The following RBFOX1 variants were observed in gnomAD, a reference collection of about 807,000 sequenced individuals.
The protein encoded by RBFOX1 is RNA binding fox-1 homolog 1, also known as RNA binding protein fox-1 homolog 1.
In RBFOX1, 8 loss-of-function variants were observed where a neutral mutation model predicts 57.7. That is an observed-to-expected ratio of 0.14 (90% CI 0.08 to 0.25). RBFOX1 has a LOEUF of 0.25. Among genes scored for constraint, RBFOX1 ranks in the 10% least tolerant of loss-of-function variants. RBFOX1 has a pLI of 1.00. For missense variants in RBFOX1, 611 were observed against 548.5 expected, an observed-to-expected ratio of 1.11 and a Z score of -1.14; for synonymous variants, 326 against 222.4, an observed-to-expected ratio of 1.47 and a Z score of -4.15.
At chr16:7,230,275 A>G (rs17670677) in intron 4 of RBFOX1, among the ~76,000 whole-genome samples, 58,166 of 151,912 alleles carry the variant, frequency 0.38, 11,710 homozygotes, top group East Asian at 0.68. Flanking sequence ...ACAAACAGAA[A>G]GTACCTGCCG....
chr16:5,550,088 G>C (rs1247503954), intron 2 of RBFOX1, among the ~76,000 whole-genome samples: 1 of 152,194 alleles, frequency 6.6e-6, no homozygotes, highest in African/African-American at 2.4e-5. Context: ...GTTATGCTCA[G>C]ATTGTTCCCT....
At chr16:6,242,598 C>T (rs78579700) in intron 1 of RBFOX1, among the ~76,000 whole-genome samples, 18,329 of 146,896 alleles carry the variant, frequency 0.12, 1,219 homozygotes, top group Middle Eastern at 0.26. Flanking sequence ...TAGGCATTTA[C>T]GTTCAGTTTG....
intron 3 of RBFOX1, among the ~76,000 whole-genome samples, chr16:5,703,982 C>A (rs28608682): frequency 0.058 from 8,900 of 152,192 alleles, 838 homozygotes; most frequent in African/African-American, 0.2. Context: ...CCCCTCAAAT[C>A]GTTACATGGT....
intron 2 of RBFOX1, among the ~76,000 whole-genome samples, chr16:6,458,227 GT>G (rs1371195694): frequency 6.6e-6 from 1 of 152,150 alleles, no homozygotes; most frequent in African/African-American, 2.4e-5. Flanking sequence ...GCAGCATGAA[GT>G]TTTTTACCTT....
At chr16:5,350,538 G>C (rs2065239721) in intron 1 of RBFOX1, among the ~76,000 whole-genome samples, 1 of 152,060 alleles carries the variant, frequency 6.6e-6, no homozygotes, top group Admixed American at 6.6e-5. Flanking sequence ...TCTGCAATTG[G>C]CTCCCACTTC....
intron 1 of RBFOX1, among the ~76,000 whole-genome samples, chr16:5,256,737 C>G (rs999841446): frequency 6.6e-6 from 1 of 151,970 alleles, no homozygotes; most frequent in Non-Finnish European, 1.5e-5. Flanking sequence ...GAGTTCGATA[C>G]CAGCCTGGCC....
At chr16:6,269,843 G>A (rs1224606956) in intron 1 of RBFOX1, among the ~76,000 whole-genome samples, 2 of 152,090 alleles carry the variant, frequency 1.3e-5, no homozygotes, top group African/African-American at 2.4e-5. Context: ...CTTCTCTGGT[G>A]TTTTCAAAAT....
In RBFOX1 at chr16:7,364,973, A is replaced by T. The variant is rs141757157; in HGVS notation, c.28-153174A>T. The stretch of plus-strand genomic sequence containing the variant: ...CTGTTGATACATTCTTGAGACCTAC[A>T]ATGATCAGATGATTCTTTTGGGGAA... On this transcript the variant is annotated intron_variant, in intron 4 of 15. Transcript: ENST00000550418. Among the ~76,000 whole-genome samples, 891 of 152,292 alleles carry T rather than the reference A, an allele frequency of 5.9e-3. 10 individuals are homozygous for T. The highest frequency in any genetic ancestry group is 0.02 in the African/African-American group (827 of 41,560).
intron 3 of RBFOX1, among the ~76,000 whole-genome samples, chr16:5,726,433 G>A (rs1437524530): frequency 6.6e-6 from 1 of 152,032 alleles, no homozygotes; most frequent in African/African-American, 2.4e-5. Context: ...CCCCTCCATT[G>A]CCAAGGTCGC....
chr16:7,376,097 G>C (rs571075567), intron 4 of RBFOX1, among the ~76,000 whole-genome samples: 15 of 152,096 alleles, frequency 9.9e-5, no homozygotes, highest in Non-Finnish European at 1.6e-4. Flanking sequence ...ACATTTCTAA[G>C]GCACTTTTCT....
intron 1 of RBFOX1, among the ~76,000 whole-genome samples, chr16:5,292,829 T>A (rs1398421432): frequency 2.0e-5 from 3 of 152,032 alleles, no homozygotes; most frequent in Non-Finnish European, 4.4e-5. Flanking sequence ...TTCACCATGT[T>A]AGCCAGGATG....
chr16:6,368,777 C>A (rs2090026816), intron 2 of RBFOX1, among the ~76,000 whole-genome samples: 1 of 152,066 alleles, frequency 6.6e-6, no homozygotes, highest in South Asian at 2.1e-4. Context: ...GAGGAAGAGC[C>A]CATGCCCTCT....
intron 1 of RBFOX1, among the ~76,000 whole-genome samples, chr16:6,305,534 C>A (rs373483684): frequency 2.6e-5 from 4 of 151,746 alleles, no homozygotes; most frequent in African/African-American, 9.7e-5. Flanking sequence ...TCATTTAAAT[C>A]GCAATAATTT....
At position 5,408,170 on chromosome 16, in the gene RBFOX1, A is replaced by C. The variant is rs558995958; in HGVS notation, c.220-59046A>C. Among the ~76,000 whole-genome samples, 23 of 152,270 alleles carry C rather than the reference A, an allele frequency of 1.5e-4. 1 individual carries two copies. Among genetic ancestry groups the C allele is most frequent in the African/African-American group, 5.5e-4 (23 of 41,564 alleles). Reference sequence around the variant, plus strand: ...CATTTTCAGCTGCTCGTGGTGTTTGAATGAATGTTCTAAGAGCCAGGAGGA... The same window carrying C: ...CATTTTCAGCTGCTCGTGGTGTTTGCATGAATGTTCTAAGAGCCAGGAGGA... On this transcript the variant is annotated intron_variant, in intron 1 of 2. Coordinates refer to the RBFOX1 transcript ENST00000585867.
At chr16:5,291,719 A>C (rs1567289301) in intron 1 of RBFOX1, among the ~76,000 whole-genome samples, 1 of 152,326 alleles carries the variant, frequency 6.6e-6, no homozygotes, top group East Asian at 1.9e-4. Context: ...AGGCATTTGC[A>C]GTCAAACAGC....
intron 3 of RBFOX1, among the ~76,000 whole-genome samples, chr16:7,014,984 A>G (rs1331992121): frequency 1.3e-5 from 2 of 152,144 alleles, no homozygotes; most frequent in African/African-American, 4.8e-5. Context: ...TGGACCTCCC[A>G]AAGGGCTGGA....
At chr16:6,107,539 T>A (rs920791381) in intron 1 of RBFOX1, among the ~76,000 whole-genome samples, 1 of 152,140 alleles carries the variant, frequency 6.6e-6, no homozygotes, top group Non-Finnish European at 1.5e-5. Flanking sequence ...AGTTAGATAT[T>A]GCTTTTCAGA....
At chr16:7,424,457 G>A (rs758104084) in intron 4 of RBFOX1, among the ~76,000 whole-genome samples, 7 of 152,024 alleles carry the variant, frequency 4.6e-5, no homozygotes, top group East Asian at 3.9e-4. Context: ...ACAGGGTTGC[G>A]CCACGTTGGC....
intron 1 of RBFOX1, among the ~76,000 whole-genome samples, chr16:5,456,148 T>C (rs1053221989): frequency 6.6e-6 from 1 of 152,136 alleles, no homozygotes; most frequent in Non-Finnish European, 1.5e-5. Flanking sequence ...GGTTATGCTA[T>C]CTATAGTCAA....
Sources: allele counts gnomAD v4.1 joint callset (sites outside exome capture counted in the v4.1 genomes callset), GRCh38; gene constraint gnomAD v4.1.1; transcripts MANE v1.5; gene names NCBI Gene and HGNC (gene_info 2026-07-23, HGNC 2026-07-21).